ZSWIM6: variants seen among roughly 807,000 people sequenced by gnomAD.
ZSWIM6 encodes the protein zinc finger SWIM-type containing 6.
In ZSWIM6, 9 loss-of-function variants were observed where a neutral mutation model predicts 113.2. That is an observed-to-expected ratio of 0.08 (90% CI 0.05 to 0.14). ZSWIM6 has a LOEUF of 0.14. Among genes scored for constraint, ZSWIM6 ranks in the 10% least tolerant of loss-of-function variants. The pLI, the probability that ZSWIM6 is intolerant of heterozygous loss-of-function variation, is 1.00. For synonymous variants in ZSWIM6, 611 were observed against 606.5 expected (o/e 1.01, Z -0.11); for missense variants, 1,162 against 1,552.2 (o/e 0.75, Z 4.22).
At chr5:61,455,493 G>A (rs1747186434) in intron 1 of ZSWIM6, among the ~76,000 whole-genome samples, 1 of 152,122 alleles carries the variant, frequency 6.6e-6, no homozygotes, top group Admixed American at 6.5e-5. Flanking sequence ...CAAAAACAGT[G>A]GTTATCTGGT....
intron 5 of ZSWIM6, 142 bp downstream of exon 5, chr5:61,521,584 G>A: frequency 3.8e-6 from 2 of 526,090 alleles, no homozygotes; most frequent in African/African-American, 2.0e-5. Context: ...TGTGTTGACT[G>A]TGAGTGTATG....
Position 61,531,516 on chromosome 5 carries a change from A to C in ZSWIM6, c.2036A>C (p.Lys679Thr). 2 of 1,551,684 alleles carry C rather than the reference A, an allele frequency of 1.3e-6. No individual in the cohort carries two copies. The highest frequency in any genetic ancestry group is 1.7e-6 in the Non-Finnish European group (2 of 1,146,972). ...GAATACCAGCATCTACCTGCACACA[A>C]ATTCTTAGAAGAAGGGGAATCCTAT... ...SLEYQHLPAHKFLEEGESYLT... is the reference protein window; with the variant it reads ...SLEYQHLPAHTFLEEGESYLT... The change falls in exon 9 of 14, where the codon AAA (lysine) becomes ACA (threonine). Residue 679 changes from lysine to threonine, a missense_variant. Coordinates refer to ENST00000252744, the MANE Select transcript of ZSWIM6 (RefSeq NM_020928.2).
intron 1 of ZSWIM6, among the ~76,000 whole-genome samples, chr5:61,413,755 G>T (rs986952331): frequency 1.3e-5 from 2 of 152,106 alleles, no homozygotes; most frequent in Non-Finnish European, 2.9e-5. Flanking sequence ...GTTTTGATTT[G>T]CATTTCTCTG....
At chr5:61,473,621 T>A (rs1261910473) in intron 2 of ZSWIM6, among the ~76,000 whole-genome samples, 2 of 152,198 alleles carry the variant, frequency 1.3e-5, no homozygotes, top group Non-Finnish European at 2.9e-5. Flanking sequence ...TGCAAATATG[T>A]CAACTCACAA....
chr5:61,434,473 A>G (rs1246074462), intron 1 of ZSWIM6, among the ~76,000 whole-genome samples: 1 of 148,262 alleles, frequency 6.7e-6, no homozygotes, highest in Non-Finnish European at 1.5e-5. Context: ...CGAGTCCTCA[A>G]AGTCCCTTAT....
At chr5:61,465,006 G>A (rs1446203728) in intron 1 of ZSWIM6, among the ~76,000 whole-genome samples, 2 of 152,238 alleles carry the variant, frequency 1.3e-5, no homozygotes, top group African/African-American at 4.8e-5. Flanking sequence ...AGTGAACTGA[G>A]GTGGGGGCAA....
chr5:61,409,119 G>A (rs1746105885), intron 1 of ZSWIM6, among the ~76,000 whole-genome samples: 1 of 112,222 alleles, frequency 8.9e-6, no homozygotes, highest in Non-Finnish European at 1.7e-5. Flanking sequence ...CCAGGCCTCT[G>A]TATTGCTTCA....
At chr5:61,370,843 AC>A (rs1290580815) in intron 1 of ZSWIM6, among the ~76,000 whole-genome samples, 1 of 152,262 alleles carries the variant, frequency 6.6e-6, no homozygotes, top group Non-Finnish European at 1.5e-5. Context: ...AAAATAAAAA[AC>A]TAAAGAACCC....
At chr5:61,438,257 A>G (rs1246115281) in intron 1 of ZSWIM6, among the ~76,000 whole-genome samples, 1 of 152,234 alleles carries the variant, frequency 6.6e-6, no homozygotes, top group Non-Finnish European at 1.5e-5. Context: ...ATTTAACATA[A>G]GTGTACAGAT....
intron 4 of ZSWIM6, among the ~76,000 whole-genome samples, chr5:61,505,526 A>C (rs1484131549): frequency 6.6e-6 from 1 of 152,042 alleles, no homozygotes; most frequent in African/African-American, 2.4e-5. Context: ...ACTACATATC[A>C]GATAAGGGCC....
chr5:61,508,225 G>T (rs1748678830), intron 4 of ZSWIM6, among the ~76,000 whole-genome samples: 1 of 152,004 alleles, frequency 6.6e-6, no homozygotes, highest in Admixed American at 6.6e-5. Context: ...CTCACTTTTA[G>T]AAGTATGTTA....
intron 1 of ZSWIM6, among the ~76,000 whole-genome samples, chr5:61,338,363 G>A (rs1211628741): frequency 1.3e-5 from 2 of 152,108 alleles, no homozygotes; most frequent in Admixed American, 1.3e-4. Flanking sequence ...TTCATTGAAT[G>A]CTTTTTCAAG....
At chr5:61,517,934 A>C in intron 4 of ZSWIM6, among the ~76,000 whole-genome samples, 2 of 85,514 alleles carry the variant, frequency 2.3e-5, no homozygotes, top group Non-Finnish European at 2.5e-5. Context: ...TCCAAATGCT[A>C]TCCCTCCCCC....
At position 61,507,035 on chromosome 5, in the gene ZSWIM6, C is replaced by G. The variant is rs1313425015; in HGVS notation, c.1333+12625C>G. On this transcript the variant is annotated intron_variant, in intron 4 of 13. Coordinates refer to ENST00000252744, the MANE Select transcript of ZSWIM6 (RefSeq NM_020928.2). ...AGACAGAAGAAAGGGAGCCACTGGA[C>G]TTTCTTATTCACCTTTAGAGAAGGT... is the stretch of plus-strand genomic sequence containing the variant. Among the ~76,000 whole-genome samples, 4 of 152,108 alleles carry G rather than the reference C, an allele frequency of 2.6e-5. No homozygotes were observed. The East Asian group carries it at 7.7e-4, about 29-fold the overall frequency.
At chr5:61,335,427 T>A (rs1437248591) in intron 1 of ZSWIM6, among the ~76,000 whole-genome samples, 3 of 152,356 alleles carry the variant, frequency 2.0e-5, no homozygotes, top group African/African-American at 4.8e-5. Flanking sequence ...ATAGAACACT[T>A]ATGATCAGGG....
At chr5:61,422,273 T>C (rs1351636896) in intron 1 of ZSWIM6, among the ~76,000 whole-genome samples, 1 of 152,234 alleles carries the variant, frequency 6.6e-6, no homozygotes, top group Non-Finnish European at 1.5e-5. Flanking sequence ...CTAGTTTCAT[T>C]CTTTTGCATA....
chr5:61,490,677 A>G, intron 2 of ZSWIM6, 109 bp from the exon 3 acceptor site: 1 of 1,106,758 alleles, frequency 9.0e-7, no homozygotes, highest in Non-Finnish European at 1.3e-6. Context: ...TGTATGTATA[A>G]TTGAAATTGA....
At chr5:61,451,389 A>C (rs1747084989) in intron 1 of ZSWIM6, among the ~76,000 whole-genome samples, 1 of 152,116 alleles carries the variant, frequency 6.6e-6, no homozygotes, top group East Asian at 1.9e-4. Flanking sequence ...AACATTTCTA[A>C]ATTTTGAGGG....
intron 1 of ZSWIM6, among the ~76,000 whole-genome samples, chr5:61,341,717 C>G (rs942469406): frequency 6.6e-6 from 1 of 152,006 alleles, no homozygotes; most frequent in African/African-American, 2.4e-5. Context: ...TGTATTTGAC[C>G]AGGTTTTTAA....
Sources: gnomAD v4.1 joint callset for allele counts (sites outside exome capture counted in the v4.1 genomes callset) on GRCh38, gnomAD v4.1.1 for gene constraint, MANE v1.5 for transcripts, NCBI Gene and HGNC (gene_info 2026-07-23, HGNC 2026-07-21) for gene names.